MAST1: variants seen among roughly 807,000 people sequenced by gnomAD.
MAST1 encodes microtubule associated serine/threonine kinase 1.
A neutral mutation model predicts 124.6 loss-of-function variants in MAST1; 40 were observed. The ratio of observed to expected loss-of-function variants is 0.32; its 90% confidence interval spans 0.25 to 0.42. The LOEUF is 0.42. Ranked by LOEUF, MAST1 falls within the 10% of genes least tolerant of loss-of-function variation. MAST1 has a pLI of 1.00. For synonymous variants in MAST1, 938 were observed against 939.4 expected (o/e 1.00, Z 0.03); for missense variants, 1,558 against 2,181.9 (o/e 0.71, Z 5.70).
At chr19:12,842,085 G>A (rs1044551037) in intron 3 of MAST1, among the ~76,000 whole-genome samples, 2 of 152,186 alleles carry the variant, frequency 1.3e-5, no homozygotes, top group Non-Finnish European at 2.9e-5. Context: ...GGGATTACGT[G>A]CCTATGCAAT....
rs376764954 is a variant in MAST1 at position 12,839,549 on chromosome 19, CAT to C, written c.83+895_84-895del. Among the ~76,000 whole-genome samples, 94 of 152,320 alleles carry C rather than the reference CAT, an allele frequency of 6.2e-4. 1 individual carries two copies. The East Asian group carries it at 9.6e-3, about 16-fold the overall frequency. ...GCAGAGACAGAACCACGCAAAATCA[CAT>C]GTTATCACATTGCAAGACTCACCTA... On this transcript the variant is annotated intron_variant, in intron 1 of 25. Coordinates refer to ENST00000251472, the MANE Select transcript of MAST1 (RefSeq NM_014975.3).
Position 12,852,411 on chromosome 19 carries a change from T to A in MAST1, c.1077+16T>A, listed in dbSNP as rs765410035. 2.5e-6 allele frequency: 4 copies of A among 1,611,818 alleles called. No individual in the cohort carries two copies. The East Asian group carries it at 8.9e-5, about 36-fold the overall frequency. The stretch of plus-strand genomic sequence containing the variant: ...TCTCTCTGAGGTAAGGCTGGGTGGC[T>A]AAGCGGTCAGTACCCTGGTTCCTGG... On this transcript the variant is annotated intron_variant, in intron 10 of 25. Transcript: ENST00000251472.
chr19:12,843,686 C>T lies in MAST1; in HGVS notation c.327+79C>T. The T allele has an allele frequency of 7.8e-7, 1 of 1,276,984 alleles. No individual in the cohort carries two copies. Among genetic ancestry groups the T allele is most frequent in the East Asian group, 2.4e-5 (1 of 41,524 alleles). 79.1% of individuals were successfully genotyped at this position (1,276,984 alleles called of 1,614,324 possible). On this transcript the variant is annotated intron_variant, in intron 4 of 25. Coordinates refer to ENST00000251472, the MANE Select transcript of MAST1 (RefSeq NM_014975.3). The surrounding 1 kb of genome is among the most constrained non-coding windows in gnomAD (Gnocchi z 4.9). ...CCAGCCTGAAGACCCACACCCAGGC[C>T]AGCAGTCCAGGCTGGGCTTGATGAC...
intron 22 of MAST1, 92 bp from the exon 23 acceptor site, chr19:12,870,732 C>A: frequency 7.8e-7 from 1 of 1,277,062 alleles, no homozygotes; most frequent in Non-Finnish European, 1.1e-6. Context: ...GATTCTAATG[C>A]ATGCAGAGCT....
intron 10 of MAST1, 150 bp downstream of exon 10, chr19:12,852,545 T>TGCCATTTTATGCC: frequency 1.3e-6 from 1 of 759,192 alleles, no homozygotes; most frequent in Non-Finnish European, 2.2e-6. Context: ...GGATTAATAA[T>TGCCATTTTATGCC]AGCTCTTCCA....
At position 12,867,499 on chromosome 19, in the gene MAST1, C is replaced by T; in HGVS notation, c.2165C>T (p.Ser722Leu). Residue 722 changes from serine (S) to leucine (L), a missense_variant, in exon 19 of 26, where the codon TCG (serine) becomes TTG (leucine). Physicochemically the swap from Ser to Leu is moderately radical, Grantham distance 145. Transcript: ENST00000251472. The stretch of plus-strand genomic sequence containing the variant: ...GTGTATAGCAGCATGGAGCAGCTGT[C>T]GCAGCACGAGCCCAAGACCCCAGTA... The part of the protein sequence containing the change: ...SKVYSSMEQL[S>L]QHEPKTPVAA... 1 of 1,613,666 alleles carries T rather than the reference C, an allele frequency of 6.2e-7. No homozygotes were observed. The highest frequency in any genetic ancestry group is 8.5e-7 in the Non-Finnish European group (1 of 1,180,006).
intron 24 of MAST1, 75 bp from the exon 25 acceptor site, chr19:12,873,249 G>C (rs1309755552): frequency 2.1e-6 from 3 of 1,463,004 alleles, no homozygotes; most frequent in Non-Finnish European, 2.8e-6. Flanking sequence ...TTACCGTTGT[G>C]AGGCCGTGAA....
Position 12,843,170 on chromosome 19 carries a change from A to G in MAST1, c.249-359A>G, listed in dbSNP as rs1409485981. On this transcript the variant is annotated intron_variant, in intron 3 of 25. Transcript: ENST00000251472. This position sits in a 1 kb window ranked among gnomAD's most constrained non-coding sequence, Gnocchi z 4.9. The stretch of plus-strand genomic sequence containing the variant: ...GGACGGGTCTTTTTTCTCTGAGAAG[A>G]TCCAAGGGTCTCCCTCAGAGCTTTC... 6.6e-6 allele frequency among the ~76,000 whole-genome samples: 1 copy of G among 150,420 alleles called. No individual in the cohort carries two copies. The highest frequency in any genetic ancestry group is 2.0e-4 in the East Asian group (1 of 4,988).
In MAST1 at chr19:12,852,315, A is replaced by G; in HGVS notation, c.1010-13A>G. The G allele has an allele frequency of 6.2e-7, 1 of 1,614,042 alleles. No individual in the cohort carries two copies. Among genetic ancestry groups the G allele is most frequent in the Non-Finnish European group, 8.5e-7 (1 of 1,179,990 alleles). ...CAGAACCCAGCTCGTGCTCACTCTC[A>G]GTCCCTCCCTAGATGTGGTGCATCT... On this transcript the variant is annotated splice_polypyrimidine_tract_variant and intron_variant, in intron 9 of 25. Transcript: ENST00000251472.
chr19:12,873,534 G>C (rs1249465473), intron 25 of MAST1, 23 bp downstream of exon 25: 1 of 1,592,856 alleles, frequency 6.3e-7, no homozygotes, highest in African/African-American at 1.3e-5. Flanking sequence ...GCACCTGCGC[G>C]GGGACCGAGC....
chr19:12,872,964 G>C (rs139793741), intron 24 of MAST1, among the ~76,000 whole-genome samples: 3,002 of 152,200 alleles, frequency 0.02, 52 homozygotes, highest in Middle Eastern at 0.065. Context: ...AATTGGGAGT[G>C]GCCTAAAGTT....
At chr19:12,868,952 A>G in intron 21 of MAST1, 103 bp downstream of exon 21, 2 of 1,537,910 alleles carry the variant, frequency 1.3e-6, no homozygotes, top group Non-Finnish European at 1.8e-6. Flanking sequence ...GATTGGCTCC[A>G]GGCTGGACCA....
rs778493802 is a variant in MAST1, at chr19:12,867,810, C to T, written c.2399C>T (p.Ala800Val). 44 of 1,581,878 alleles carry T rather than the reference C, an allele frequency of 2.8e-5. No homozygotes were observed. The highest frequency in any genetic ancestry group is 3.4e-5 in the Non-Finnish European group (40 of 1,165,356). Residue 800 changes from alanine (A) to valine (V), a missense_variant, in exon 20 of 26, where the codon GCG becomes GTG. Physicochemically the swap from Ala to Val is moderately conservative, Grantham distance 64 (BLOSUM62 0). Transcript: ENST00000251472. ...PPLGARRRFS[A>V]LLEPSRFSAP... is the part of the protein sequence containing the mutation. ...TTGGGCGCCCGCCGCCGTTTCTCGG[C>T]GCTGCTGGAGCCCAGCCGCTTCAGC...
Position 12,841,077 on chromosome 19 carries a change from C to A in MAST1, c.248+11C>A. ...TGCCTCCTCCCGAAGGTGAGTCCCTCCCCTCCAGGGCCCCAGAACCCTGGG... is the reference window on the plus strand; with the variant it reads ...TGCCTCCTCCCGAAGGTGAGTCCCTACCCTCCAGGGCCCCAGAACCCTGGG... On this transcript the variant is annotated intron_variant, in intron 3 of 25. Transcript: ENST00000251472. This position sits in a 1 kb window ranked among gnomAD's most constrained non-coding sequence, Gnocchi z 4.3. 2 of 1,459,576 alleles carry A rather than the reference C, an allele frequency of 1.4e-6. No individual in the cohort carries two copies. The highest frequency in any genetic ancestry group is 1.9e-6 in the Non-Finnish European group (2 of 1,039,166). 90.4% of individuals were successfully genotyped at this position (1,459,576 alleles called of 1,614,324 possible). A position where few individuals can be genotyped will look rare whatever the true frequency, so the allele number is the denominator to read the frequency against.
At position 12,873,332 on chromosome 19, in the gene MAST1, G is replaced by T; in HGVS notation, c.3272G>T (p.Arg1091Leu). 1 of 1,612,710 alleles carries T rather than the reference G, an allele frequency of 6.2e-7. No individual in the cohort carries two copies. Among genetic ancestry groups the T allele is most frequent in the Non-Finnish European group, 8.5e-7 (1 of 1,178,992 alleles). The change falls in exon 25 of 26, where the codon CGC (arginine) becomes CTC (leucine). Residue 1091 changes from arginine to leucine, a missense_variant. Around this residue, in one of 10 missense-constraint regions of MAST1, gnomAD observed 291 missense variants for 475.8 expected, o/e 0.61. Coordinates refer to ENST00000251472, the MANE Select transcript of MAST1 (RefSeq NM_014975.3). ...CCCTCCCTGTCCCGCAGCAAGAAGC[G>T]CAGCTCCCTCTTCCGGAAGATCACG... ...SAKEGQESKKRSSLFRKITKQ... is the reference protein window; with the variant it reads ...SAKEGQESKKLSSLFRKITKQ...
Position 12,867,659 on chromosome 19 carries a change from A to T in MAST1, c.2318+7A>T. The T allele has an allele frequency of 1.3e-6, 2 of 1,574,732 alleles. No homozygotes were observed. The highest frequency in any genetic ancestry group is 1.7e-6 in the Non-Finnish European group (2 of 1,160,880). On this transcript the variant is annotated splice_region_variant and intron_variant, in intron 19 of 25. Transcript: ENST00000251472. ...GAGGGGGCTCTCCGGAGATGTGAGC[A>T]GGGGAATGGCGGAGTTTGGGGGCGG... is the stretch of plus-strand genomic sequence containing the variant.
At chr19:12,872,545 A>G (rs1350768447) in intron 24 of MAST1, among the ~76,000 whole-genome samples, 1 of 151,760 alleles carries the variant, frequency 6.6e-6, no homozygotes, top group Non-Finnish European at 1.5e-5. Context: ...TTCTGTCTTG[A>G]TAGGTGGGTT....
intron 7 of MAST1, 42 bp downstream of exon 7, chr19:12,848,099 C>G (rs201199106): frequency 6.4e-7 from 1 of 1,568,784 alleles, no homozygotes; most frequent in Non-Finnish European, 8.7e-7. Context: ...GGCTCAGCAC[C>G]GCCAGATTGT....
chr19:12,840,578 A>G, intron 2 of MAST1, 44 bp downstream of exon 2: 1 of 1,416,856 alleles, frequency 7.1e-7, no homozygotes, highest in Non-Finnish European at 9.9e-7. Flanking sequence ...ACTGGCCTAC[A>G]GTAGGCGGGG....
Sources: gnomAD v4.1 joint callset for allele counts (sites outside exome capture counted in the v4.1 genomes callset) on GRCh38, gnomAD v4.1.1 for gene constraint, gnomAD v4.1.1 regional missense constraint, Gnocchi (gnomAD v3.1) non-coding constraint, MANE v1.5 for transcripts, NCBI Gene and HGNC (gene_info 2026-07-23, HGNC 2026-07-21) for gene names.